The following THEMIS variants were observed in gnomAD, a reference collection of about 807,000 sequenced individuals.
THEMIS encodes thymocyte selection associated.
THEMIS carries 37 observed loss-of-function variants against 52.6 expected under a neutral mutation model. The ratio of observed to expected loss-of-function variants is 0.70; its 90% confidence interval spans 0.54 to 0.93. THEMIS has a LOEUF of 0.93. Ranked by LOEUF, THEMIS falls within the 40% of genes least tolerant of loss-of-function variation. THEMIS has a pLI of 0.00. For synonymous variants in THEMIS, 292 were observed against 272.7 expected (o/e 1.07, Z -0.70); for missense variants, 808 against 763.1 (o/e 1.06, Z -0.69).
the THEMIS span, among the ~76,000 whole-genome samples, chr6:127,701,949 T>C: frequency 1.5e-3 from 230 of 152,270 alleles, 1 homozygote; most frequent in Admixed American, 4.0e-3. Context: ...CATTTTTTAT[T>C]GGACTTATAT....
At chr6:127,886,789 G>A (rs1202607231) in intron 1 of THEMIS, among the ~76,000 whole-genome samples, 2 of 152,046 alleles carry the variant, frequency 1.3e-5, no homozygotes, top group Non-Finnish European at 2.9e-5. Context: ...GCTCATGTTT[G>A]GTTTCTCCTG....
intron 2 of THEMIS, among the ~76,000 whole-genome samples, chr6:127,840,860 A>G (rs1204987017): frequency 1.3e-5 from 2 of 152,180 alleles, no homozygotes; most frequent in East Asian, 1.9e-4. Context: ...AAGGCTACAT[A>G]CTATATGATT....
intron 4 of THEMIS, among the ~76,000 whole-genome samples, chr6:127,750,932 T>A (rs985410944): frequency 6.6e-6 from 1 of 151,666 alleles, no homozygotes; most frequent in Non-Finnish European, 1.5e-5. Flanking sequence ...AGTTGAGAGA[T>A]CTTATCATCT....
intron 4 of THEMIS, among the ~76,000 whole-genome samples, chr6:127,767,174 C>A (rs1477041145): frequency 3.9e-5 from 6 of 151,972 alleles, no homozygotes; most frequent in Admixed American, 3.9e-4. Context: ...TCACTACAAG[C>A]TCCACCTCCC....
intron 1 of THEMIS, among the ~76,000 whole-genome samples, chr6:127,894,099 A>T (rs1780893178): frequency 6.6e-6 from 1 of 152,134 alleles, no homozygotes; most frequent in Non-Finnish European, 1.5e-5. Context: ...AACCAGATAG[A>T]TGTACAACAG....
intron 1 of THEMIS, among the ~76,000 whole-genome samples, chr6:127,865,506 A>G (rs1779946415): frequency 6.6e-6 from 1 of 152,174 alleles, no homozygotes; most frequent in South Asian, 2.1e-4. Flanking sequence ...AAAAAAGATT[A>G]CTACATATCC....
intron 4 of THEMIS, among the ~76,000 whole-genome samples, chr6:127,806,265 G>T (rs1378854563): frequency 6.6e-6 from 1 of 151,994 alleles, no homozygotes; most frequent in Non-Finnish European, 1.5e-5. Flanking sequence ...ATTTGCTCAA[G>T]CTTTTTGCTA....
At chr6:127,758,763 T>C (rs1775919615) in intron 4 of THEMIS, among the ~76,000 whole-genome samples, 1 of 152,060 alleles carries the variant, frequency 6.6e-6, no homozygotes, top group Non-Finnish European at 1.5e-5. Flanking sequence ...GTGATACAGG[T>C]AATCACATGA....
intron 3 of THEMIS, among the ~76,000 whole-genome samples, chr6:127,825,756 A>G (rs1402281629): frequency 2.0e-5 from 3 of 152,162 alleles, no homozygotes; most frequent in Non-Finnish European, 4.4e-5. Context: ...AGGAAAATAA[A>G]TTAATAGAAA....
At chr6:127,901,253 G>GT (rs1328865825), upstream of THEMIS, among the ~76,000 whole-genome samples, 1 of 152,100 alleles carries the variant, frequency 6.6e-6, no homozygotes, top group Non-Finnish European at 1.5e-5. Context: ...AGCGCATTCT[G>GT]TCCTTTGTTA....
At chr6:127,917,638 T>G (rs1349433679) in intron 1 of THEMIS, among the ~76,000 whole-genome samples, 1 of 152,204 alleles carries the variant, frequency 6.6e-6, no homozygotes, top group East Asian at 1.9e-4. Flanking sequence ...GGGATGTCCC[T>G]TTCAGCCACA....
At chr6:127,729,336 A>C (rs1562219056) in intron 4 of THEMIS, among the ~76,000 whole-genome samples, 1 of 152,138 alleles carries the variant, frequency 6.6e-6, no homozygotes, top group Non-Finnish European at 1.5e-5. Context: ...CAGTTTTTCC[A>C]AGGATCTCTG....
chr6:127,798,386 G>C (rs1444118780), intron 4 of THEMIS, among the ~76,000 whole-genome samples: 1 of 151,840 alleles, frequency 6.6e-6, no homozygotes, highest in African/African-American at 2.4e-5. Flanking sequence ...TAAGTTTTAG[G>C]GTACATGTGC....
At position 127,746,950 on chromosome 6, in the gene THEMIS, TTATA is replaced by T. The variant is rs1198355483; in HGVS notation, c.1759-27131_1759-27128del. Among the ~76,000 whole-genome samples, 17 of 84,202 alleles carry T rather than the reference TTATA, an allele frequency of 2.0e-4. 1 individual carries two copies. The highest frequency in any genetic ancestry group is 4.0e-5 in the Non-Finnish European group (2 of 49,452). The allele number at this position is 84,202 out of a possible 152,430, so 55.2% of individuals were successfully genotyped here. On this transcript the variant is annotated intron_variant, in intron 4 of 5. Coordinates refer to ENST00000368248, the MANE Select transcript of THEMIS (RefSeq NM_001010923.3). ...ATATCTATAATTATATTATATATAA[TTATA>T]TATAGATATCTATAATTATATTATA...
At chr6:127,765,465 A>G (rs929627573) in intron 4 of THEMIS, among the ~76,000 whole-genome samples, 11 of 152,156 alleles carry the variant, frequency 7.2e-5, no homozygotes, top group African/African-American at 2.7e-4. Context: ...ATGAATTATT[A>G]CCAGTTATTG....
intron 4 of THEMIS, among the ~76,000 whole-genome samples, chr6:127,801,029 T>A (rs1267549590): frequency 2.6e-5 from 4 of 152,098 alleles, no homozygotes; most frequent in Non-Finnish European, 5.9e-5. Flanking sequence ...TATGATTAGA[T>A]CAAAAAATGC....
chr6:127,748,447 C>A (rs1187908177), intron 4 of THEMIS, among the ~76,000 whole-genome samples: 4 of 152,132 alleles, frequency 2.6e-5, no homozygotes, highest in Non-Finnish European at 5.9e-5. Context: ...CTAATCCAGT[C>A]CCATGAGATC....
chr6:127,790,312 G>T (rs1390072365), intron 4 of THEMIS, among the ~76,000 whole-genome samples: 2 of 146,810 alleles, frequency 1.4e-5, no homozygotes, highest in African/African-American at 5.5e-5. Flanking sequence ...ATAAACCTGT[G>T]TCTCTCCAAC....
At chr6:127,896,028 G>T (rs1780956218) in intron 1 of THEMIS, among the ~76,000 whole-genome samples, 1 of 151,104 alleles carries the variant, frequency 6.6e-6, no homozygotes, top group Non-Finnish European at 1.5e-5. Context: ...ACAATTAAAA[G>T]CATGTTTAAC....
Sources: allele counts gnomAD v4.1 joint callset (sites outside exome capture counted in the v4.1 genomes callset), GRCh38; gene constraint gnomAD v4.1.1; transcripts MANE v1.5; gene names NCBI Gene and HGNC (gene_info 2026-07-23, HGNC 2026-07-21).